DROSHA: variants seen among roughly 807,000 people sequenced by gnomAD.
DROSHA encodes drosha ribonuclease III.
DROSHA carries 56 observed loss-of-function variants against 181.9 expected under a neutral mutation model. The observed-to-expected ratio is 0.31, with a 90% CI of 0.25 to 0.38. The LOEUF (loss-of-function observed/expected upper bound fraction) is 0.38, where lower values mean the gene tolerates loss of function less well. Ranked by LOEUF, DROSHA falls within the 10% of genes least tolerant of loss-of-function variation. The pLI, the probability that DROSHA is intolerant of heterozygous loss-of-function variation, is 1.00. For missense variants in DROSHA, 1,218 were observed against 1,743.5 expected (o/e 0.70, Z 5.37); for synonymous variants, 524 against 591.2 (o/e 0.89, Z 1.65).
At chr5:31,426,769 C>A (rs1370921050) in intron 27 of DROSHA, among the ~76,000 whole-genome samples, 2 of 151,832 alleles carry the variant, frequency 1.3e-5, no homozygotes, top group Non-Finnish European at 2.9e-5. Context: ...AGGCTGTAAC[C>A]AAAGATTTTA....
chr5:31,470,706 G>GT lies in DROSHA; in HGVS notation c.2241+1356dup, dbSNP rs566409614. On this transcript the variant is annotated intron_variant, in intron 17 of 35. Coordinates refer to ENST00000344624, the MANE Select transcript of DROSHA (RefSeq NM_001382508.1). This position sits in a 1 kb window ranked among gnomAD's most constrained non-coding sequence, Gnocchi z 4.0. The stretch of plus-strand genomic sequence containing the variant: ...TATCCTTAAGCCAGGGTATCCTTAA[G>GT]TTTTTTTTTAAACTCTCCAGCTGAT... 9.1e-4 allele frequency among the ~76,000 whole-genome samples: 138 copies of GT among 151,544 alleles called. 1 individual carries two copies. The highest frequency in any genetic ancestry group is 1.7e-3 in the Non-Finnish European group (114 of 67,862).
chr5:31,409,730 A>G lies in DROSHA; in HGVS notation c.3668-398T>C, dbSNP rs373872954. On this transcript the variant is annotated intron_variant, in intron 31 of 35. Transcript: ENST00000344624. This position sits in a 1 kb window ranked among gnomAD's most constrained non-coding sequence, Gnocchi z 4.0. The stretch of plus-strand genomic sequence containing the variant: ...TTGGGTCTTGCCATTTTCAACACCA[A>G]TCCTGAGATCCCCTGTTTTTAAGGA... Among the ~76,000 whole-genome samples the G allele has an allele frequency of 6.6e-6, 1 of 152,200 alleles. No individual in the cohort carries two copies. The highest frequency in any genetic ancestry group is 1.5e-5 in the Non-Finnish European group (1 of 68,036).
chr5:31,422,293 C>T (rs950857328), intron 29 of DROSHA, among the ~76,000 whole-genome samples: 2 of 151,884 alleles, frequency 1.3e-5, no homozygotes, highest in Non-Finnish European at 2.9e-5. Flanking sequence ...TAAAATTTTG[C>T]TTATTTTCTT....
At chr5:31,412,479 C>T (rs1209672844) in intron 30 of DROSHA, among the ~76,000 whole-genome samples, 1 of 152,112 alleles carries the variant, frequency 6.6e-6, no homozygotes, top group Non-Finnish European at 1.5e-5. Flanking sequence ...GTCAACAGAG[C>T]TTATGAAAAT....
intron 24 of DROSHA, 57 bp downstream of exon 24, chr5:31,437,182 T>A: frequency 6.7e-7 from 1 of 1,497,546 alleles, no homozygotes; most frequent in Non-Finnish European, 9.1e-7. Context: ...GTAATAAGTA[T>A]GTTACCTATA....
chr5:31,449,223 A>G (rs1746677346), intron 22 of DROSHA, 58 bp downstream of exon 22: 1 of 1,597,688 alleles, frequency 6.3e-7, no homozygotes, highest in Admixed American at 1.7e-5. Flanking sequence ...GAAATAATTT[A>G]CAACAGAAAA....
intron 20 of DROSHA, among the ~76,000 whole-genome samples, chr5:31,455,978 G>T (rs989924180): frequency 6.6e-6 from 1 of 152,072 alleles, no homozygotes; most frequent in Non-Finnish European, 1.5e-5. Flanking sequence ...TTTTATGCCA[G>T]AAAACAATGA....
chr5:31,448,495 A>C, intron 23 of DROSHA, 52 bp downstream of exon 23: 1 of 1,443,652 alleles, frequency 6.9e-7, no homozygotes, highest in Non-Finnish European at 9.7e-7. Context: ...AGTAAACTGT[A>C]TAGTACGTGA....
chr5:31,400,991 A>G lies in DROSHA; in HGVS notation c.*441T>C, dbSNP rs28527453. The G allele has an allele frequency of 6.8e-4, 123 of 181,518 alleles. 1 individual carries two copies. Among genetic ancestry groups the G allele is most frequent in the African/African-American group, 2.8e-3 (116 of 41,978 alleles). 11.2% of individuals were successfully genotyped at this position (181,518 alleles called of 1,614,324 possible). ...ACTTGATGAACAGCCACCGGATGAA[A>G]GCTGAACAATCTACTTAAAAATCCA... On this transcript the variant is annotated 3_prime_UTR_variant, in exon 36 of 36. Coordinates refer to ENST00000344624, the MANE Select transcript of DROSHA (RefSeq NM_001382508.1).
intron 6 of DROSHA, 32 bp from the exon 7 acceptor site, chr5:31,515,596 G>A: frequency 6.4e-7 from 1 of 1,550,704 alleles, no homozygotes; most frequent in Middle Eastern, 1.8e-4. Flanking sequence ...AAAATGTTTG[G>A]AAATGTCCAC....
rs11341915 is a variant in DROSHA, at chr5:31,483,646, GAA to G, written c.1997-20_1997-19del. ...CAAAGGACCTGAAGCAAACAAATGA[GAA>G]AAAAAAAAAAAAAAGAAAACTCAGT... On this transcript the variant is annotated intron_variant, in intron 15 of 35. Coordinates refer to ENST00000344624, the MANE Select transcript of DROSHA (RefSeq NM_001382508.1). The G allele has an allele frequency of 0.17, 199,951 of 1,171,720 alleles. 1,692 individuals are homozygous for G. Among genetic ancestry groups the G allele is most frequent in the East Asian group, 0.25 (9,131 of 35,910 alleles). 72.6% of individuals were successfully genotyped at this position (1,171,720 alleles called of 1,614,324 possible). A position where few individuals can be genotyped will look rare whatever the true frequency, so the allele number is the denominator to read the frequency against.
rs369649302 is a variant in DROSHA, at chr5:31,470,462, C to A, written c.2241+1601G>T. 7.5e-4 allele frequency among the ~76,000 whole-genome samples: 105 copies of A among 140,184 alleles called. 1 individual carries two copies. The highest frequency in any genetic ancestry group is 9.4e-4 in the Admixed American group (13 of 13,846). 92.0% of individuals were successfully genotyped at this position (140,184 alleles called of 152,430 possible). Reference sequence around the variant, plus strand: ...GCAAAAATAGTTGCGGTATGGCAGACCCCCGCAACTACTTTTGTGCCAGCC... The same window carrying A: ...GCAAAAATAGTTGCGGTATGGCAGAACCCCGCAACTACTTTTGTGCCAGCC... On this transcript the variant is annotated intron_variant, in intron 17 of 35. Transcript: ENST00000344624. This position sits in a 1 kb window ranked among gnomAD's most constrained non-coding sequence, Gnocchi z 4.0.
intron 27 of DROSHA, 46 bp from the exon 28 acceptor site, chr5:31,424,517 C>A (rs377448843): frequency 1.8e-5 from 28 of 1,560,064 alleles, no homozygotes; most frequent in Non-Finnish European, 2.4e-5. Context: ...AGCCATTTAA[C>A]GCACTCTAGA....
At chr5:31,459,201 T>C (rs1180310043) in intron 20 of DROSHA, among the ~76,000 whole-genome samples, 1 of 152,164 alleles carries the variant, frequency 6.6e-6, no homozygotes, top group East Asian at 1.9e-4. Flanking sequence ...TATACTTTTC[T>C]CTTGCATCTT....
At chr5:31,417,960 G>T (rs940237848) in intron 30 of DROSHA, among the ~76,000 whole-genome samples, 1 of 152,098 alleles carries the variant, frequency 6.6e-6, no homozygotes, top group Non-Finnish European at 1.5e-5. Context: ...CCTCTTGAAG[G>T]ATTTCTGCCT....
chr5:31,416,116 G>A (rs921159885), intron 30 of DROSHA, among the ~76,000 whole-genome samples: 1 of 152,156 alleles, frequency 6.6e-6, no homozygotes, highest in African/African-American at 2.4e-5. Context: ...CAAGGGAATG[G>A]CTCAAAGCTA....
intron 20 of DROSHA, among the ~76,000 whole-genome samples, chr5:31,457,996 A>G (rs965830365): frequency 6.6e-6 from 1 of 152,230 alleles, no homozygotes; most frequent in African/African-American, 2.4e-5. Flanking sequence ...GATACAGAAA[A>G]TTGAGTGTAA....
chr5:31,510,964 G>A, intron 9 of DROSHA, 71 bp downstream of exon 9: 1 of 1,568,580 alleles, frequency 6.4e-7, no homozygotes, highest in East Asian at 2.3e-5. Context: ...ACTCTCAAGG[G>A]TATTTCCCCA....
chr5:31,493,937 TTG>T lies in DROSHA; in HGVS notation c.1756-646_1756-645del, dbSNP rs67311624. 7.5e-3 allele frequency among the ~76,000 whole-genome samples: 1,082 copies of T among 144,788 alleles called. 19 individuals carry two copies. Among genetic ancestry groups the T allele is most frequent in the African/African-American group, 0.027 (1,041 of 37,916 alleles). 95.0% of individuals were successfully genotyped at this position (144,788 alleles called of 152,430 possible). On this transcript the variant is annotated intron_variant, in intron 12 of 35. Transcript: ENST00000344624. Reference sequence around the variant, plus strand: ...CTTATGCCATTCTTATAACCCACCATTGTGTGTGTGTGTGTGTGTGTGTGTGT... The same window carrying T: ...CTTATGCCATTCTTATAACCCACCATTGTGTGTGTGTGTGTGTGTGTGTGT...
Sources: gnomAD v4.1 joint callset for allele counts (sites outside exome capture counted in the v4.1 genomes callset) on GRCh38, gnomAD v4.1.1 for gene constraint, Gnocchi (gnomAD v3.1) non-coding constraint, MANE v1.5 for transcripts, NCBI Gene and HGNC (gene_info 2026-07-23, HGNC 2026-07-21) for gene names.